Variants in CPNE4 observed in about 807,000 individuals in gnomAD.
CPNE4 encodes copine 4, also known as copine-4.
In CPNE4, 25 loss-of-function variants were observed where a neutral mutation model predicts 67.9. The observed-to-expected ratio is 0.37, with a 90% CI of 0.27 to 0.51. The LOEUF is 0.51. CPNE4 is among the 20% of genes least tolerant of loss of function. CPNE4 has a pLI of 0.93. For synonymous variants in CPNE4, 242 were observed against 244.9 expected (o/e 0.99, Z 0.11); for missense variants, 464 against 690.8 (o/e 0.67, Z 3.68).
chr3:131,996,779 G>C (rs2073306199), intron 1 of CPNE4, among the ~76,000 whole-genome samples: 1 of 151,746 alleles, frequency 6.6e-6, no homozygotes, highest in African/African-American at 2.4e-5. Context: ...AGTTAGGAGA[G>C]GATAATGAGG....
chr3:131,669,526 C>A, intron 7 of CPNE4, 149 bp downstream of exon 7: 1 of 574,926 alleles, frequency 1.7e-6, no homozygotes, highest in Non-Finnish European at 3.0e-6. Context: ...AAGAAATAGC[C>A]CTTGTTTCTT....
intron 2 of CPNE4, among the ~76,000 whole-genome samples, chr3:131,867,818 G>T (rs1204950232): frequency 6.6e-6 from 1 of 152,250 alleles, no homozygotes; most frequent in Non-Finnish European, 1.5e-5. Flanking sequence ...AAATGAAAGA[G>T]ATGAACCATC....
chr3:131,732,719 T>A (rs2082156193), intron 2 of CPNE4, among the ~76,000 whole-genome samples: 1 of 152,240 alleles, frequency 6.6e-6, no homozygotes, highest in African/African-American at 2.4e-5. Context: ...GGTCCCTTCA[T>A]GAACATCTCT....
intron 1 of CPNE4, among the ~76,000 whole-genome samples, chr3:132,023,233 G>T (rs192928142): frequency 2.0e-5 from 3 of 152,220 alleles, no homozygotes; most frequent in Admixed American, 6.5e-5. Flanking sequence ...CTTTAATGAG[G>T]CAGCAGAAGT....
intron 1 of CPNE4, among the ~76,000 whole-genome samples, chr3:131,943,409 A>G (rs1202832671): frequency 6.6e-6 from 1 of 152,162 alleles, no homozygotes; most frequent in Non-Finnish European, 1.5e-5. Context: ...ATTGTTGTAA[A>G]TGAAAAGAGT....
chr3:131,562,622 G>A (rs1234221592), intron 11 of CPNE4, among the ~76,000 whole-genome samples: 2 of 151,984 alleles, frequency 1.3e-5, no homozygotes, highest in African/African-American at 4.8e-5. Context: ...ATCTGTGTGT[G>A]TGGTATAAAG....
chr3:131,655,967 T>C (rs1165664062), intron 7 of CPNE4, among the ~76,000 whole-genome samples: 2 of 151,978 alleles, frequency 1.3e-5, no homozygotes, highest in African/African-American at 2.4e-5. Context: ...AAGGCTACTT[T>C]CTTTACCTTC....
intron 7 of CPNE4, among the ~76,000 whole-genome samples, chr3:131,659,825 G>C (rs553408163): frequency 6.6e-6 from 1 of 152,270 alleles, no homozygotes; most frequent in South Asian, 2.1e-4. Context: ...ATTGCTGAGA[G>C]AACAAGAGCC....
In CPNE4 at chr3:131,814,759, T is replaced by C. The variant is rs1043556663; in HGVS notation, c.180+90505A>G. On this transcript the variant is annotated intron_variant, in intron 2 of 15. Coordinates refer to ENST00000429747, the MANE Select transcript of CPNE4 (RefSeq NM_130808.3). ...AGCTGGGACTACAGGCGCCCGCCAC[T>C]ACGCCCGGCTAATTTTTTGTATTTT... is the stretch of plus-strand genomic sequence containing the variant. 1.5e-4 allele frequency among the ~76,000 whole-genome samples: 22 copies of C among 144,362 alleles called. No homozygotes were observed. The East Asian group carries it at 4.1e-3, about 27-fold the overall frequency. The allele number at this position is 144,362 out of a possible 152,430, so 94.7% of individuals were successfully genotyped here. A position where few individuals can be genotyped will look rare whatever the true frequency, so the allele number is the denominator to read the frequency against.
chr3:131,905,610 A>G (rs1464950733), intron 1 of CPNE4, among the ~76,000 whole-genome samples, 166 bp from the exon 2 acceptor site: 3 of 152,194 alleles, frequency 2.0e-5, no homozygotes, highest in Non-Finnish European at 4.4e-5. Context: ...CCAGTGAAAC[A>G]AATCAAAGGA....
chr3:131,636,532 C>A lies in CPNE4; in HGVS notation c.681+33143G>T, dbSNP rs567287952. 1.6e-4 allele frequency among the ~76,000 whole-genome samples: 24 copies of A among 152,268 alleles called. No homozygotes were observed. In the East Asian group the frequency reaches 4.6e-3, roughly 29 times the overall value. On this transcript the variant is annotated intron_variant, in intron 7 of 15. Coordinates refer to ENST00000429747, the MANE Select transcript of CPNE4 (RefSeq NM_130808.3). The stretch of plus-strand genomic sequence containing the variant: ...TGAGCTCAGACACTACTATCCCTGC[C>A]CCCACCTAGTGGTCTTTCTCTACCT...
Position 132,034,905 on chromosome 3 carries a change from G to T in CPNE4, c.-340C>A. ...AGGAGGGTACTGAGAAAAGAGGGAG[G>T]GAGTGGAGTGGAGCGAGGGAGGAAG... On this transcript the variant is annotated 5_prime_UTR_variant, in exon 1 of 16. Coordinates refer to ENST00000429747, the MANE Select transcript of CPNE4 (RefSeq NM_130808.3). 1 of 985,386 alleles carries T rather than the reference G, an allele frequency of 1.0e-6. No individual in the cohort carries two copies. The highest frequency in any genetic ancestry group is 1.1e-4 in the East Asian group (1 of 8,800). The allele number at this position is 985,386 out of a possible 1,614,324, so 61.0% of individuals were successfully genotyped here.
chr3:131,870,498 G>A (rs2087152274), intron 2 of CPNE4, among the ~76,000 whole-genome samples: 1 of 152,084 alleles, frequency 6.6e-6, no homozygotes, highest in Admixed American at 6.6e-5. Flanking sequence ...GAAGTTAGTG[G>A]GTGAGGGGAT....
chr3:131,671,459 A>ATGTGTGTG (rs58195413), intron 6 of CPNE4, among the ~76,000 whole-genome samples: 2 of 131,252 alleles, frequency 1.5e-5, no homozygotes, highest in Non-Finnish European at 3.5e-5. Context: ...GAGTGTACAC[A>ATGTGTGTG]TGTGTGTGTG....
At chr3:131,982,966 AG>A (rs1438296718) in intron 1 of CPNE4, among the ~76,000 whole-genome samples, 5 of 152,106 alleles carry the variant, frequency 3.3e-5, no homozygotes, top group African/African-American at 9.6e-5. Flanking sequence ...AAATCTTTAA[AG>A]AAAAAAAGAT....
At chr3:131,660,023 G>A (rs1305439930) in intron 7 of CPNE4, among the ~76,000 whole-genome samples, 1 of 152,108 alleles carries the variant, frequency 6.6e-6, no homozygotes, top group Non-Finnish European at 1.5e-5. Context: ...TAAATTTACA[G>A]CTCTGTGGCA....
At chr3:131,954,304 G>T (rs1161724661) in intron 1 of CPNE4, among the ~76,000 whole-genome samples, 1 of 152,138 alleles carries the variant, frequency 6.6e-6, no homozygotes, top group African/African-American at 2.4e-5. Context: ...ACATATGAAT[G>T]CTCAAGTTGA....
At chr3:131,984,147 A>G (rs752836311) in intron 1 of CPNE4, among the ~76,000 whole-genome samples, 1 of 152,160 alleles carries the variant, frequency 6.6e-6, no homozygotes, top group Admixed American at 6.5e-5. Context: ...CTTTCAGTTG[A>G]GACTTGTAGA....
In CPNE4 at chr3:131,669,707, G is replaced by C. The variant is rs754974384; in HGVS notation, c.649C>G (p.Leu217Val). 1 of 1,613,866 alleles carries C rather than the reference G, an allele frequency of 6.2e-7. No individual in the cohort carries two copies. The highest frequency in any genetic ancestry group is 8.5e-7 in the Non-Finnish European group (1 of 1,179,838). Residue 217 changes from leucine (L) to valine (V), a missense_variant, in exon 7 of 16, where the codon CTA (leucine) becomes GTA (valine). Leu to Val is a conservative substitution (Grantham distance 32). This residue lies in a region of CPNE4 where 58 missense variants were observed against 63.5 expected (regional missense o/e 0.91). Coordinates refer to ENST00000429747, the MANE Select transcript of CPNE4 (RefSeq NM_130808.3). ...WKSFKVSVNS[L>V]CSGDPDRRLK... ...CGGCGGTCTGGGTCTCCGCTGCATA[G>C]AGAATTTACAGATACTTTGAATGAT...
Sources: gnomAD v4.1 joint callset for allele counts (sites outside exome capture counted in the v4.1 genomes callset) on GRCh38, gnomAD v4.1.1 for gene constraint, gnomAD v4.1.1 regional missense constraint, MANE v1.5 for transcripts, NCBI Gene and HGNC (gene_info 2026-07-23, HGNC 2026-07-21) for gene names.